RFTN1: variants seen among roughly 807,000 people sequenced by gnomAD.
RFTN1 encodes the protein raftlin.
Under a neutral mutation model 46.5 loss-of-function variants are expected in RFTN1, and 26 were observed. That is an observed-to-expected ratio of 0.56 (90% CI 0.41 to 0.78). RFTN1 has a LOEUF of 0.78. RFTN1 is among the 30% of genes least tolerant of loss of function. The pLI is 0.00. For missense variants in RFTN1, 693 were observed against 718.7 expected (o/e 0.96, Z 0.41); for synonymous variants, 261 against 284.2 (o/e 0.92, Z 0.82).
rs995075405 is a variant in RFTN1, at chr3:16,352,958, A to C, written c.1146+4974T>G. Among the ~76,000 whole-genome samples the C allele has an allele frequency of 3.9e-5, 6 of 152,168 alleles. No individual in the cohort carries two copies. ...CCGCACACTACATTTTCGTGTGTCC[A>C]TGCACGTGAAGAGAGAGGGAAGCCA... On this transcript the variant is annotated intron_variant, in intron 7 of 9. Coordinates refer to ENST00000334133, the MANE Select transcript of RFTN1 (RefSeq NM_015150.2). The surrounding 1 kb of genome is among the most constrained non-coding windows in gnomAD (Gnocchi z 4.6).
Position 16,453,365 on chromosome 3 carries a change from GATCCCAATCCT to G in RFTN1, c.146-19339_146-19329del. On this transcript the variant is annotated intron_variant, in intron 2 of 9. Coordinates refer to ENST00000334133, the MANE Select transcript of RFTN1 (RefSeq NM_015150.2). ...ACCAGGACTATAGAAGACACCCTCA[GATCCCAATCCT>G]ATGCTTTTTCTACTATACCACAGTA... Among the ~76,000 whole-genome samples the G allele has an allele frequency of 1.3e-5, 2 of 152,316 alleles. 1 individual carries two copies. The highest frequency in any genetic ancestry group is 4.8e-5 in the African/African-American group (2 of 41,562).
In RFTN1 at chr3:16,322,143, G is replaced by A. The variant is rs924773267; in HGVS notation, c.1332+1233C>T. ...CTGAAACTGACAGCGCTCTGCAGCCGATCCATCTTCCAGCTGGTGGCTGCC... is the reference window on the plus strand; with the variant it reads ...CTGAAACTGACAGCGCTCTGCAGCCAATCCATCTTCCAGCTGGTGGCTGCC... On this transcript the variant is annotated intron_variant, in intron 9 of 9. Transcript: ENST00000334133. The surrounding 1 kb of genome is among the most constrained non-coding windows in gnomAD (Gnocchi z 6.2). Among the ~76,000 whole-genome samples the A allele has an allele frequency of 1.3e-5, 2 of 152,224 alleles. No homozygotes were observed. Among genetic ancestry groups the A allele is most frequent in the African/African-American group, 2.4e-5 (1 of 41,452 alleles).
At chr3:16,359,814 AC>A (rs556923705) in intron 6 of RFTN1, among the ~76,000 whole-genome samples, 123 of 151,820 alleles carry the variant, frequency 8.1e-4, no homozygotes, top group African/African-American at 2.8e-3. Flanking sequence ...TAATAATGTG[AC>A]CTTTTTTTTT....
chr3:16,510,390 ATCT>A (rs879863447), intron 1 of RFTN1, among the ~76,000 whole-genome samples: 5 of 152,136 alleles, frequency 3.3e-5, no homozygotes, highest in Non-Finnish European at 7.3e-5. Flanking sequence ...CACTCAATCA[ATCT>A]TCTTTCACAA....
In RFTN1 at chr3:16,387,433, T is replaced by C; in HGVS notation, c.442-9331A>G. ...CTGAGAAGCCCATCCCCATGTCCTC[T>C]TCTGGCCCTCCACTCTTTGTCCCCA... On this transcript the variant is annotated intron_variant, in intron 4 of 9. Coordinates refer to ENST00000334133, the MANE Select transcript of RFTN1 (RefSeq NM_015150.2). The surrounding 1 kb of genome is among the most constrained non-coding windows in gnomAD (Gnocchi z 5.2). Among the ~76,000 whole-genome samples the C allele has an allele frequency of 6.6e-6, 1 of 152,154 alleles. No homozygotes were observed. Among genetic ancestry groups the C allele is most frequent in the African/African-American group, 2.4e-5 (1 of 41,422 alleles).
chr3:16,331,633 G>T (rs1210879392), intron 7 of RFTN1, among the ~76,000 whole-genome samples: 1 of 152,104 alleles, frequency 6.6e-6, no homozygotes, highest in African/African-American at 2.4e-5. Context: ...AATATTCCAA[G>T]ATCCTAAATA....
At chr3:16,414,468 A>G (rs2075036672) in intron 3 of RFTN1, among the ~76,000 whole-genome samples, 1 of 151,906 alleles carries the variant, frequency 6.6e-6, no homozygotes, top group Admixed American at 6.6e-5. Flanking sequence ...TTAGCCAGGC[A>G]TGGTGGTGCA....
chr3:16,437,752 CTTTA>C (rs2075544966), intron 2 of RFTN1, among the ~76,000 whole-genome samples: 1 of 152,046 alleles, frequency 6.6e-6, no homozygotes, highest in Non-Finnish European at 1.5e-5. Context: ...CTGATCTTGT[CTTTA>C]TTTATTATAA....
In RFTN1 at chr3:16,315,863, T is replaced by C. The variant is rs1455187716; in HGVS notation, c.*965A>G. 6.6e-6 allele frequency: 1 copy of C among 152,218 alleles called. No individual in the cohort carries two copies. The highest frequency in any genetic ancestry group is 1.9e-4 in the East Asian group (1 of 5,202). The allele number at this position is 152,218 out of a possible 1,614,324, so 9.4% of individuals were successfully genotyped here. A position where few individuals can be genotyped will look rare whatever the true frequency, so the allele number is the denominator to read the frequency against. ...TCAATCCTCACGGTGCACTAACTCA[T>C]AGATGATTTATTGCCGTAAGTAACT... is the stretch of plus-strand genomic sequence containing the variant. On this transcript the variant is annotated 3_prime_UTR_variant, in exon 10 of 10. Transcript: ENST00000334133.
At chr3:16,472,836 G>A (rs1317518881) in intron 2 of RFTN1, among the ~76,000 whole-genome samples, 1 of 152,092 alleles carries the variant, frequency 6.6e-6, no homozygotes, top group Non-Finnish European at 1.5e-5. Flanking sequence ...TTACACGACC[G>A]AAAGCTGAGG....
At position 16,465,228 on chromosome 3, in the gene RFTN1, A is replaced by AG. The variant is rs1202273295; in HGVS notation, c.145+28496_145+28497insC. ...AGGATGCCACTTCAAGGTAAAAAAAAAAAAAGCCTTAGTATTTCATAGAGG... is the reference window on the plus strand; with the variant it reads ...AGGATGCCACTTCAAGGTAAAAAAAAGAAAAAGCCTTAGTATTTCATAGAGG... On this transcript the variant is annotated intron_variant, in intron 2 of 9. Coordinates refer to ENST00000334133, the MANE Select transcript of RFTN1 (RefSeq NM_015150.2). This position sits in a 1 kb window ranked among gnomAD's most constrained non-coding sequence, Gnocchi z 5.1. Among the ~76,000 whole-genome samples the AG allele has an allele frequency of 3.3e-5, 5 of 152,234 alleles. No homozygotes were observed. The East Asian group carries it at 7.7e-4, about 24-fold the overall frequency.
In RFTN1 at chr3:16,410,886, T is replaced by G. The variant is rs974017444; in HGVS notation, c.333-1403A>C. 1.4e-4 allele frequency among the ~76,000 whole-genome samples: 21 copies of G among 152,158 alleles called. No homozygotes were observed. The highest frequency in any genetic ancestry group is 5.1e-4 in the African/African-American group (21 of 41,442). On this transcript the variant is annotated intron_variant, in intron 3 of 9. Transcript: ENST00000334133. This position sits in a 1 kb window ranked among gnomAD's most constrained non-coding sequence, Gnocchi z 4.6. Reference sequence around the variant, plus strand: ...CACAGGCAGGGCTCCTGTATGACACTAGAGTGGAAATCACGTGGGTGTCAG... The same window carrying G: ...CACAGGCAGGGCTCCTGTATGACACGAGAGTGGAAATCACGTGGGTGTCAG...
rs2071050096 is a variant in RFTN1, at chr3:16,338,274, A to C, written c.1147-11398T>G. Reference sequence around the variant, plus strand: ...CACCTGCATGAGCAGAATGAGAACCAGGCAAGGCATGCAACCACGCAAGGC... The same window carrying C: ...CACCTGCATGAGCAGAATGAGAACCCGGCAAGGCATGCAACCACGCAAGGC... On this transcript the variant is annotated intron_variant, in intron 7 of 9. Transcript: ENST00000334133. This position sits in a 1 kb window ranked among gnomAD's most constrained non-coding sequence, Gnocchi z 5.3. 2.0e-5 allele frequency among the ~76,000 whole-genome samples: 3 copies of C among 152,244 alleles called. No individual in the cohort carries two copies. Among genetic ancestry groups the C allele is most frequent in the South Asian group, 2.1e-4 (1 of 4,828 alleles).
At position 16,451,116 on chromosome 3, in the gene RFTN1, C is replaced by G. The variant is rs1260414288; in HGVS notation, c.146-17079G>C. On this transcript the variant is annotated intron_variant, in intron 2 of 9. Coordinates refer to ENST00000334133, the MANE Select transcript of RFTN1 (RefSeq NM_015150.2). This position sits in a 1 kb window ranked among gnomAD's most constrained non-coding sequence, Gnocchi z 4.2. ...ATGAGAAAACATGCAGACAGAAGAT[C>G]AGGTCTCCAGCCAAGAATTACCAAA... Among the ~76,000 whole-genome samples the G allele has an allele frequency of 1.3e-5, 2 of 152,176 alleles. No individual in the cohort carries two copies. Among genetic ancestry groups the G allele is most frequent in the Non-Finnish European group, 2.9e-5 (2 of 68,032 alleles).
At chr3:16,431,237 C>T (rs1435001117) in intron 3 of RFTN1, among the ~76,000 whole-genome samples, 2 of 152,212 alleles carry the variant, frequency 1.3e-5, no homozygotes, top group African/African-American at 2.4e-5. Flanking sequence ...GTGCTTACAG[C>T]TCTCCTAGGA....
rs2075339695 is a variant in RFTN1 at position 16,429,168 on chromosome 3, A to G, written c.332+4683T>C. On this transcript the variant is annotated intron_variant, in intron 3 of 9. Coordinates refer to ENST00000334133, the MANE Select transcript of RFTN1 (RefSeq NM_015150.2). This position sits in a 1 kb window ranked among gnomAD's most constrained non-coding sequence, Gnocchi z 6.4. The stretch of plus-strand genomic sequence containing the variant: ...GATGTGTGGCTAGGCCTGCCATGGT[A>G]AAATGAAATGGCAGTTATTAGAATT... Among the ~76,000 whole-genome samples the G allele has an allele frequency of 2.0e-5, 3 of 152,246 alleles. No individual in the cohort carries two copies. The South Asian group carries it at 6.2e-4, about 31-fold the overall frequency.
intron 4 of RFTN1, among the ~76,000 whole-genome samples, chr3:16,397,698 G>A (rs1321997537): frequency 6.6e-6 from 1 of 152,042 alleles, no homozygotes; most frequent in Non-Finnish European, 1.5e-5. Context: ...GTTGGTAGGT[G>A]GTCAATAGAT....
rs1184538283 is a variant in RFTN1, at chr3:16,473,022, A to G, written c.145+20703T>C. Among the ~76,000 whole-genome samples the G allele has an allele frequency of 6.6e-6, 1 of 152,160 alleles. No homozygotes were observed. Among genetic ancestry groups the G allele is most frequent in the Non-Finnish European group, 1.5e-5 (1 of 68,032 alleles). ...CCCCAAAAGTTCATCTCCCTTCTAA[A>G]TGATACTAGGAAATCTGTTGGCTAT... On this transcript the variant is annotated intron_variant, in intron 2 of 9. Coordinates refer to ENST00000334133, the MANE Select transcript of RFTN1 (RefSeq NM_015150.2). This position sits in a 1 kb window ranked among gnomAD's most constrained non-coding sequence, Gnocchi z 5.3.
At chr3:16,388,876 C>T (rs2074277885) in intron 4 of RFTN1, among the ~76,000 whole-genome samples, 1 of 152,082 alleles carries the variant, frequency 6.6e-6, no homozygotes, top group Non-Finnish European at 1.5e-5. Context: ...TTTGGTAATA[C>T]CAGTGACCTT....
Sources: gnomAD v4.1 joint callset for allele counts (sites outside exome capture counted in the v4.1 genomes callset) on GRCh38, gnomAD v4.1.1 for gene constraint, Gnocchi (gnomAD v3.1) non-coding constraint, MANE v1.5 for transcripts, NCBI Gene and HGNC (gene_info 2026-07-23, HGNC 2026-07-21) for gene names.